Variants in BMPR2 observed in about 807,000 individuals in gnomAD.
BMPR2 encodes bone morphogenetic protein receptor type 2.
A neutral mutation model predicts 100.8 loss-of-function variants in BMPR2; 29 were observed. That is an observed-to-expected ratio of 0.29 (90% CI 0.21 to 0.39). The LOEUF is 0.39. BMPR2 is among the 10% of genes least tolerant of loss of function. The probability of loss-of-function intolerance (pLI) is 1.00; values close to 1 mark genes in which losing one functional copy is unlikely to be tolerated. For synonymous variants in BMPR2, 382 were observed against 442.3 expected (o/e 0.86, Z 1.71); for missense variants, 1,011 against 1,274.5 (o/e 0.79, Z 3.15).
At chr2:202,418,462 T>C (rs575812606) in intron 1 of BMPR2, among the ~76,000 whole-genome samples, 1 of 152,258 alleles carries the variant, frequency 6.6e-6, no homozygotes, top group East Asian at 1.9e-4. Flanking sequence ...CTGAGCCAAA[T>C]ATGAGTGACC....
At chr2:202,472,660 G>C (rs1451272243) in intron 3 of BMPR2, among the ~76,000 whole-genome samples, 4 of 152,026 alleles carry the variant, frequency 2.6e-5, no homozygotes, top group Non-Finnish European at 4.4e-5. Flanking sequence ...GTCTCAAAAA[G>C]AAAAAGAAAG....
At chr2:202,471,294 G>T (rs985856831) in intron 3 of BMPR2, among the ~76,000 whole-genome samples, 1 of 152,150 alleles carries the variant, frequency 6.6e-6, no homozygotes, top group Non-Finnish European at 1.5e-5. Context: ...TTATCATTCT[G>T]CAACCATTGT....
intron 1 of BMPR2, among the ~76,000 whole-genome samples, chr2:202,409,949 A>G (rs1690980335): frequency 6.6e-6 from 1 of 152,166 alleles, no homozygotes; most frequent in Non-Finnish European, 1.5e-5. Context: ...ATACCACAGT[A>G]GCAGTGACCA....
At chr2:202,410,579 T>G (rs147837886) in intron 1 of BMPR2, among the ~76,000 whole-genome samples, 139 of 152,022 alleles carry the variant, frequency 9.1e-4, no homozygotes, top group African/African-American at 2.2e-3. Flanking sequence ...AGCCTATCTA[T>G]CTAGCTAGCT....
intron 5 of BMPR2, among the ~76,000 whole-genome samples, chr2:202,517,465 GTATT>G (rs1417785369): frequency 6.6e-6 from 1 of 151,268 alleles, no homozygotes; most frequent in African/African-American, 2.4e-5. Flanking sequence ...CTTTATGCAA[GTATT>G]TAAGTCTCCA....
At chr2:202,421,961 T>C (rs978556509) in intron 1 of BMPR2, among the ~76,000 whole-genome samples, 1 of 152,180 alleles carries the variant, frequency 6.6e-6, no homozygotes, top group Non-Finnish European at 1.5e-5. Flanking sequence ...CAGGCTGGAG[T>C]GCAGTGGTGC....
At position 202,529,790 on chromosome 2, in the gene BMPR2, G is replaced by A. The variant is rs1037312367; in HGVS notation, c.968-1004G>A. 5.3e-5 allele frequency among the ~76,000 whole-genome samples: 8 copies of A among 152,220 alleles called. No homozygotes were observed. In the South Asian group the frequency reaches 6.2e-4, roughly 12 times the overall value. On this transcript the variant is annotated intron_variant, in intron 7 of 12. Coordinates refer to ENST00000374580, the MANE Select transcript of BMPR2 (RefSeq NM_001204.7). ...TGCATTTGAATGCTCATTAATGAGC[G>A]TAATACATCTGAATACTGAGTCTAT...
At chr2:202,383,242 C>A (rs947623641) in intron 1 of BMPR2, among the ~76,000 whole-genome samples, 5 of 152,136 alleles carry the variant, frequency 3.3e-5, no homozygotes, top group Admixed American at 6.6e-5. Context: ...ACCAGCCCTG[C>A]TGTACAAAAA....
At position 202,393,472 on chromosome 2, in the gene BMPR2, T is replaced by A. The variant is rs377197908; in HGVS notation, c.76+15922T>A. Among the ~76,000 whole-genome samples, 400 of 152,126 alleles carry A rather than the reference T, an allele frequency of 2.6e-3. 3 individuals are homozygous for A. The highest frequency in any genetic ancestry group is 1.7e-3 in the Non-Finnish European group (117 of 68,002). ...GGTAGTAATTTAAAAATATATATAT[T>A]TTTTTGTAGGGACAGGTCTCGCCAT... On this transcript the variant is annotated intron_variant, in intron 1 of 12. Transcript: ENST00000374580.
chr2:202,411,670 G>A (rs1291473868), intron 1 of BMPR2, among the ~76,000 whole-genome samples: 6 of 152,194 alleles, frequency 3.9e-5, no homozygotes, highest in South Asian at 2.1e-4. Flanking sequence ...CTTTCTATAC[G>A]TTTATTTAAC....
intron 1 of BMPR2, among the ~76,000 whole-genome samples, chr2:202,415,982 T>A (rs1440818016): frequency 6.6e-6 from 1 of 152,220 alleles, no homozygotes; most frequent in East Asian, 1.9e-4. Context: ...TTCCTCTGAA[T>A]CTGAGCAAAG....
At position 202,376,967 on chromosome 2, in the gene BMPR2, G is replaced by C. The variant is rs1295872812; in HGVS notation, c.-508G>C. On this transcript the variant is annotated 5_prime_UTR_variant, in exon 1 of 13. Coordinates refer to ENST00000374580, the MANE Select transcript of BMPR2 (RefSeq NM_001204.7). ...ACCGAAGCGAAACTTAAGGAATCCT[G>C]CCTTCCCGGAGCCGCGGGCGATGCG... The C allele has an allele frequency of 4.4e-6, 2 of 449,846 alleles. No individual in the cohort carries two copies. The highest frequency in any genetic ancestry group is 7.8e-6 in the Non-Finnish European group (2 of 257,164). 27.9% of individuals were successfully genotyped at this position (449,846 alleles called of 1,614,324 possible).
At chr2:202,519,529 T>G (rs1687783436) in intron 6 of BMPR2, among the ~76,000 whole-genome samples, 2 of 152,188 alleles carry the variant, frequency 1.3e-5, no homozygotes, top group Non-Finnish European at 2.9e-5. Context: ...ATTATACTGT[T>G]TGTTTCGCTG....
chr2:202,538,707 T>C (rs917638202), intron 9 of BMPR2, among the ~76,000 whole-genome samples: 8 of 150,472 alleles, frequency 5.3e-5, no homozygotes, highest in Non-Finnish European at 7.4e-5. Context: ...GGCAAGAGAA[T>C]TGCTTGAACC....
At chr2:202,489,336 T>G (rs1191109468) in intron 3 of BMPR2, among the ~76,000 whole-genome samples, 1 of 152,198 alleles carries the variant, frequency 6.6e-6, no homozygotes, top group African/African-American at 2.4e-5. Flanking sequence ...TGTGTACTGT[T>G]TTTCAGATTT....
chr2:202,492,518 A>G (rs1422629344), intron 3 of BMPR2, among the ~76,000 whole-genome samples: 3 of 151,682 alleles, frequency 2.0e-5, no homozygotes, highest in Non-Finnish European at 4.4e-5. Context: ...TGGCCAACAT[A>G]GCAAAACCCC....
At position 202,522,520 on chromosome 2, in the gene BMPR2, AG is replaced by A. The variant is rs1157352728; in HGVS notation, c.967+2320del. Among the ~76,000 whole-genome samples the A allele has an allele frequency of 2.0e-5, 3 of 151,468 alleles. No homozygotes were observed. The East Asian group carries it at 5.8e-4, about 29-fold the overall frequency. Reference sequence around the variant, plus strand: ...AGACTCCCTCTCAAAAAAAAAAAAAAGAAATTCTTGTCCATTAATAATTTCT... The same window carrying A: ...AGACTCCCTCTCAAAAAAAAAAAAAAAAATTCTTGTCCATTAATAATTTCT... On this transcript the variant is annotated intron_variant, in intron 7 of 12. Coordinates refer to ENST00000374580, the MANE Select transcript of BMPR2 (RefSeq NM_001204.7).
chr2:202,386,367 C>T (rs938022807), intron 1 of BMPR2, among the ~76,000 whole-genome samples: 4 of 152,156 alleles, frequency 2.6e-5, no homozygotes, highest in African/African-American at 9.7e-5. Context: ...CCTGTTCCTC[C>T]TATGTCTTAG....
chr2:202,515,845 C>T (rs1321922692), intron 5 of BMPR2, among the ~76,000 whole-genome samples: 1 of 151,968 alleles, frequency 6.6e-6, no homozygotes, highest in Non-Finnish European at 1.5e-5. Context: ...GCCAAGATCA[C>T]GCCACTGCAC....
Sources: gnomAD v4.1 joint callset for allele counts (sites outside exome capture counted in the v4.1 genomes callset) on GRCh38, gnomAD v4.1.1 for gene constraint, MANE v1.5 for transcripts, NCBI Gene and HGNC (gene_info 2026-07-23, HGNC 2026-07-21) for gene names.